CNTNAP2: variants seen among roughly 807,000 people sequenced by gnomAD.
CNTNAP2 encodes contactin associated protein 2, also known as contactin-associated protein-like 2.
CNTNAP2 carries 98 observed loss-of-function variants against 155.2 expected under a neutral mutation model. The ratio of observed to expected loss-of-function variants is 0.63; its 90% confidence interval spans 0.54 to 0.75. The LOEUF (loss-of-function observed/expected upper bound fraction) is 0.75, where lower values mean the gene tolerates loss of function less well. Ranked by LOEUF, CNTNAP2 falls within the 30% of genes least tolerant of loss-of-function variation. The pLI is 0.00. For missense variants in CNTNAP2, 1,727 were observed against 1,688.1 expected (o/e 1.02, Z -0.40); for synonymous variants, 651 against 631.2 (o/e 1.03, Z -0.47).
intron 19 of CNTNAP2, among the ~76,000 whole-genome samples, chr7:148,219,709 C>T (rs1311325629): frequency 3.3e-5 from 5 of 152,060 alleles, no homozygotes; most frequent in Non-Finnish European, 7.4e-5. Flanking sequence ...GTGAGGCACA[C>T]CTGTGGTCCT....
At chr7:147,083,909 GCATATATA>G (rs1383726808) in intron 4 of CNTNAP2, among the ~76,000 whole-genome samples, 6 of 86,188 alleles carry the variant, frequency 7.0e-5, no homozygotes, top group Admixed American at 3.9e-4. Context: ...TATATTATAT[GCATATATA>G]CATATACACA....
At chr7:146,708,171 A>G (rs1800999036) in intron 1 of CNTNAP2, among the ~76,000 whole-genome samples, 1 of 152,174 alleles carries the variant, frequency 6.6e-6, no homozygotes, top group Non-Finnish European at 1.5e-5. Context: ...ATTACTTTCT[A>G]CCTTGTATTA....
intron 3 of CNTNAP2, among the ~76,000 whole-genome samples, chr7:147,031,407 C>T (rs539602447): frequency 7.0e-4 from 107 of 152,186 alleles, no homozygotes; most frequent in African/African-American, 2.2e-3. Context: ...AACAAATGCT[C>T]ACAGCAATTT....
At chr7:147,572,470 A>G (rs546471026) in intron 12 of CNTNAP2, among the ~76,000 whole-genome samples, 31 of 152,154 alleles carry the variant, frequency 2.0e-4, no homozygotes, top group African/African-American at 7.2e-4. Flanking sequence ...TCTCTATGCA[A>G]ATGCTCTTCC....
At chr7:147,328,523 G>A (rs1056727208) in intron 9 of CNTNAP2, among the ~76,000 whole-genome samples, 3 of 152,158 alleles carry the variant, frequency 2.0e-5, no homozygotes, top group Admixed American at 6.5e-5. Context: ...TTAGAGGGCC[G>A]AGGCCAGAAA....
chr7:147,287,524 T>C (rs993955913), intron 8 of CNTNAP2, among the ~76,000 whole-genome samples: 2 of 152,084 alleles, frequency 1.3e-5, no homozygotes, highest in Admixed American at 1.3e-4. Context: ...TCCTCAACTT[T>C]GAAAATTTAG....
intron 15 of CNTNAP2, among the ~76,000 whole-genome samples, chr7:147,995,032 C>T (rs1801777066): frequency 6.6e-6 from 1 of 152,154 alleles, no homozygotes; most frequent in Non-Finnish European, 1.5e-5. Flanking sequence ...CCAAGAGACT[C>T]CCACTGGAGT....
intron 8 of CNTNAP2, among the ~76,000 whole-genome samples, chr7:147,214,389 T>C (rs1803222480): frequency 1.3e-5 from 2 of 152,108 alleles, no homozygotes; most frequent in Non-Finnish European, 2.9e-5. Flanking sequence ...TTATTTAACC[T>C]CTCTGCCTTG....
chr7:146,809,416 C>A (rs1463110564), intron 2 of CNTNAP2, among the ~76,000 whole-genome samples: 1 of 152,020 alleles, frequency 6.6e-6, no homozygotes, highest in Non-Finnish European at 1.5e-5. Context: ...GGCTGGAGTG[C>A]AGTGGTGCGG....
chr7:147,669,156 A>G (rs1047629594), intron 13 of CNTNAP2, among the ~76,000 whole-genome samples: 1 of 152,190 alleles, frequency 6.6e-6, no homozygotes, highest in Non-Finnish European at 1.5e-5. Context: ...AGTACATTCT[A>G]TGATGTCCAT....
At chr7:146,773,193 G>A (rs999939498) in intron 1 of CNTNAP2, among the ~76,000 whole-genome samples, 1 of 151,976 alleles carries the variant, frequency 6.6e-6, no homozygotes, top group Non-Finnish European at 1.5e-5. Context: ...CAGAGAGCAA[G>A]CAGCTAATGA....
intron 12 of CNTNAP2, among the ~76,000 whole-genome samples, chr7:147,595,659 A>G (rs1195740440): frequency 6.6e-6 from 1 of 152,172 alleles, no homozygotes; most frequent in Admixed American, 6.5e-5. Context: ...TGCTTTTCCA[A>G]TTACAGCTAG....
At chr7:147,074,039 T>C (rs981982128) in intron 4 of CNTNAP2, among the ~76,000 whole-genome samples, 11 of 152,166 alleles carry the variant, frequency 7.2e-5, no homozygotes, top group African/African-American at 2.7e-4. Context: ...AACCTATTAT[T>C]ATTTCTTGGT....
chr7:147,362,268 G>A (rs934971171), intron 9 of CNTNAP2, among the ~76,000 whole-genome samples: 7 of 152,104 alleles, frequency 4.6e-5, no homozygotes, highest in Non-Finnish European at 1.0e-4. Context: ...AAGTAGCGGG[G>A]ATTACAGTTG....
At chr7:146,962,021 G>A (rs183139631) in intron 3 of CNTNAP2, among the ~76,000 whole-genome samples, 148 of 152,128 alleles carry the variant, frequency 9.7e-4, no homozygotes, top group South Asian at 6.6e-3. Context: ...CTCCAGTTAC[G>A]CAGTGGTTAC....
chr7:148,181,007 G>C (rs967319358), intron 18 of CNTNAP2, among the ~76,000 whole-genome samples: 1 of 152,196 alleles, frequency 6.6e-6, no homozygotes, highest in Non-Finnish European at 1.5e-5. Context: ...CTATCTACTA[G>C]AGATGAGATA....
intron 2 of CNTNAP2, among the ~76,000 whole-genome samples, chr7:146,801,249 A>G (rs1802872188): frequency 6.6e-6 from 1 of 152,082 alleles, no homozygotes; most frequent in Admixed American, 6.6e-5. Flanking sequence ...GTGAGAACTC[A>G]CTCAGTACCA....
intron 11 of CNTNAP2, among the ~76,000 whole-genome samples, chr7:147,560,186 A>AAAAAAAAAAAAAAAG: frequency 6.6e-6 from 1 of 150,660 alleles, no homozygotes; most frequent in Non-Finnish European, 1.5e-5. Flanking sequence ...AAAAAAAAAA[A>AAAAAAAAAAAAAAAG]AAAAATTGAA....
intron 2 of CNTNAP2, among the ~76,000 whole-genome samples, chr7:146,798,753 T>A (rs1439134922): frequency 6.6e-6 from 1 of 152,198 alleles, no homozygotes; most frequent in Non-Finnish European, 1.5e-5. Flanking sequence ...TGGGCAGATT[T>A]TTTTTGGTGC....
Sources: gnomAD v4.1 joint callset for allele counts (sites outside exome capture counted in the v4.1 genomes callset) on GRCh38, gnomAD v4.1.1 for gene constraint, MANE v1.5 for transcripts, NCBI Gene and HGNC (gene_info 2026-07-23, HGNC 2026-07-21) for gene names.